Variants in PDE3B observed in about 807,000 individuals in gnomAD.
The protein encoded by PDE3B is phosphodiesterase 3B.
A neutral mutation model predicts 116.8 loss-of-function variants in PDE3B; 66 were observed. The observed-to-expected ratio is 0.56, with a 90% CI of 0.46 to 0.69. The LOEUF (loss-of-function observed/expected upper bound fraction) is 0.69, where lower values mean the gene tolerates loss of function less well. Among genes scored for constraint, PDE3B ranks in the 30% least tolerant of loss-of-function variants. The pLI, the probability that PDE3B is intolerant of heterozygous loss-of-function variation, is 0.00. For missense variants in PDE3B, 1,384 were observed against 1,368.1 expected (o/e 1.01, Z -0.18); for synonymous variants, 595 against 533.6 (o/e 1.12, Z -1.59).
chr11:14,895,334 A>G, the PDE3B span, among the ~76,000 whole-genome samples: 3 of 152,252 alleles, frequency 2.0e-5, no homozygotes, highest in Non-Finnish European at 4.4e-5. Flanking sequence ...GCTAAAAGAA[A>G]AAAGTCAATA....
At chr11:14,867,802 G>A in intron 15 of PDE3B, 44 bp downstream of exon 15, 1 of 1,516,704 alleles carries the variant, frequency 6.6e-7, no homozygotes, top group African/African-American at 1.4e-5. Context: ...GTTATAGGTT[G>A]AGTATTCCAA....
intron 12 of PDE3B, among the ~76,000 whole-genome samples, chr11:14,845,173 C>G (rs919633880): frequency 6.6e-6 from 1 of 151,982 alleles, no homozygotes; most frequent in Non-Finnish European, 1.5e-5. Context: ...GCAGCGTTCA[C>G]GGTTCACGAA....
chr11:14,729,578 A>G (rs187700237), intron 1 of PDE3B, among the ~76,000 whole-genome samples: 9 of 152,336 alleles, frequency 5.9e-5, no homozygotes, highest in East Asian at 1.9e-4. Flanking sequence ...ATAATTTTCT[A>G]TGTTTAAATT....
intron 1 of PDE3B, among the ~76,000 whole-genome samples, chr11:14,729,398 T>G (rs1224848631): frequency 6.6e-6 from 1 of 152,234 alleles, no homozygotes; most frequent in Non-Finnish European, 1.5e-5. Flanking sequence ...AGCAATAAAG[T>G]TCTGTCCTGG....
intron 1 of PDE3B, among the ~76,000 whole-genome samples, chr11:14,744,460 C>G (rs2133868900): frequency 6.6e-6 from 1 of 152,254 alleles, no homozygotes. Flanking sequence ...TCTTTACTTT[C>G]TTTCAGCAAT....
At chr11:14,759,324 G>T (rs1857287267) in intron 1 of PDE3B, among the ~76,000 whole-genome samples, 1 of 152,040 alleles carries the variant, frequency 6.6e-6, no homozygotes, top group Non-Finnish European at 1.5e-5. Context: ...CTATTGACTG[G>T]AATAGTTTCA....
intron 1 of PDE3B, among the ~76,000 whole-genome samples, chr11:14,663,074 C>T (rs1427043158): frequency 6.6e-6 from 1 of 152,002 alleles, no homozygotes; most frequent in Non-Finnish European, 1.5e-5. Flanking sequence ...TCGGGTTACC[C>T]ACAAAGGGAA....
intron 1 of PDE3B, among the ~76,000 whole-genome samples, chr11:14,649,686 C>T (rs1159295219): frequency 6.6e-6 from 1 of 152,156 alleles, no homozygotes; most frequent in Non-Finnish European, 1.5e-5. Context: ...ACCTTGATGA[C>T]AAACTTCTGA....
chr11:14,759,557 T>C (rs1204376724), intron 1 of PDE3B, among the ~76,000 whole-genome samples: 1 of 151,240 alleles, frequency 6.6e-6, no homozygotes, highest in Admixed American at 6.6e-5. Context: ...AGTTTTTTTT[T>C]TTTTTTTTTT....
chr11:14,822,574 C>A (rs1482615819), intron 7 of PDE3B, among the ~76,000 whole-genome samples: 1 of 152,148 alleles, frequency 6.6e-6, no homozygotes, highest in African/African-American at 2.4e-5. Context: ...TAGGTCTTTG[C>A]AACCCTTGAG....
chr11:14,849,325 C>G (rs1449847444), intron 12 of PDE3B, among the ~76,000 whole-genome samples: 2 of 151,700 alleles, frequency 1.3e-5, no homozygotes, highest in Admixed American at 6.6e-5. Flanking sequence ...ACACCTTATA[C>G]AAAAATTAAT....
intron 4 of PDE3B, among the ~76,000 whole-genome samples, chr11:14,800,022 G>A (rs1385634719): frequency 6.6e-6 from 1 of 152,130 alleles, no homozygotes; most frequent in Non-Finnish European, 1.5e-5. Flanking sequence ...TCTTAGTAGT[G>A]TTGATGGTCT....
At chr11:14,753,712 G>C (rs1211239056) in intron 1 of PDE3B, among the ~76,000 whole-genome samples, 1 of 152,084 alleles carries the variant, frequency 6.6e-6, no homozygotes, top group African/African-American at 2.4e-5. Flanking sequence ...TTTAGAGGAT[G>C]AAAGGGGAGC....
intron 12 of PDE3B, among the ~76,000 whole-genome samples, chr11:14,845,383 T>C (rs1470584824): frequency 6.6e-6 from 1 of 151,740 alleles, no homozygotes; most frequent in Non-Finnish European, 1.5e-5. Flanking sequence ...ACCACAAAGA[T>C]GGGGAAAAAA....
chr11:14,749,176 A>G (rs1174145185), intron 1 of PDE3B, among the ~76,000 whole-genome samples: 1 of 152,150 alleles, frequency 6.6e-6, no homozygotes, highest in Non-Finnish European at 1.5e-5. Context: ...AGCGTGAGCC[A>G]TCCACGCCTG....
intron 1 of PDE3B, among the ~76,000 whole-genome samples, chr11:14,677,889 A>G (rs879870376): frequency 1.2e-4 from 19 of 152,192 alleles, no homozygotes; most frequent in Admixed American, 5.2e-4. Flanking sequence ...GTTAAGTAGT[A>G]GTCCATTGAT....
In PDE3B at chr11:14,660,956, A is replaced by C. The variant is rs1292025424; in HGVS notation, c.978+15903A>C. Among the ~76,000 whole-genome samples the C allele has an allele frequency of 2.0e-5, 3 of 152,230 alleles. No homozygotes were observed. In the East Asian group the frequency reaches 5.8e-4, roughly 29 times the overall value. On this transcript the variant is annotated intron_variant, in intron 1 of 15. Coordinates refer to ENST00000282096, the MANE Select transcript of PDE3B (RefSeq NM_000922.4). ...ACTGGCCATCAGAGAAATGCAAATC[A>C]AAACCACAATGAGATACCATCTCAC...
At chr11:14,780,480 G>A (rs1163759066) in intron 2 of PDE3B, among the ~76,000 whole-genome samples, 2 of 152,176 alleles carry the variant, frequency 1.3e-5, no homozygotes, top group Admixed American at 1.3e-4. Flanking sequence ...AGACCACAGT[G>A]CAGTCAAACT....
intron 1 of PDE3B, among the ~76,000 whole-genome samples, chr11:14,661,879 G>A (rs1590040265): frequency 6.6e-6 from 1 of 152,284 alleles, no homozygotes; most frequent in African/African-American, 2.4e-5. Context: ...CTGGGGGCAG[G>A]GCACAGACAA....
Sources: allele counts gnomAD v4.1 joint callset (sites outside exome capture counted in the v4.1 genomes callset), GRCh38; gene constraint gnomAD v4.1.1; transcripts MANE v1.5; gene names NCBI Gene and HGNC (gene_info 2026-07-23, HGNC 2026-07-21).